SPAM1: variants seen among roughly 807,000 people sequenced by gnomAD.
SPAM1 encodes sperm adhesion molecule 1, also known as hyaluronidase PH-20.
In SPAM1, 22 loss-of-function variants were observed where a neutral mutation model predicts 29.6. The ratio of observed to expected loss-of-function variants is 0.74; its 90% CI spans 0.53 to 1.06. The LOEUF (loss-of-function observed/expected upper bound fraction) is 1.06, where lower values mean the gene tolerates loss of function less well. Ranked by LOEUF, SPAM1 falls within the 50% of genes least tolerant of loss-of-function variation. SPAM1 has a pLI of 0.00. For missense variants in SPAM1, 534 were observed against 604.0 expected (o/e 0.88, Z 1.21); for synonymous variants, 194 against 204.6 (o/e 0.95, Z 0.44).
intron 4 of SPAM1, among the ~76,000 whole-genome samples, chr7:123,958,922 T>C (rs1439472693): frequency 1.3e-5 from 2 of 152,062 alleles, no homozygotes; most frequent in Non-Finnish European, 1.5e-5. Flanking sequence ...GGTAGGCCCC[T>C]GTGTTAAGCA....
At chr7:123,933,400 TAGACAAAA>T (rs1050247481) in intron 1 of SPAM1, among the ~76,000 whole-genome samples, 39 of 152,144 alleles carry the variant, frequency 2.6e-4, no homozygotes, top group African/African-American at 8.9e-4. Context: ...GAAGCCTTCA[TAGACAAAA>T]ATGAAAACCC....
chr7:123,970,628 T>C (rs2117083653), intron 6 of SPAM1, among the ~76,000 whole-genome samples: 1 of 150,198 alleles, frequency 6.7e-6, no homozygotes, highest in East Asian at 2.0e-4. Flanking sequence ...ATTATTATAG[T>C]AAGGCACTAG....
At chr7:123,932,670 A>G (rs1479828351) in intron 1 of SPAM1, among the ~76,000 whole-genome samples, 2 of 152,242 alleles carry the variant, frequency 1.3e-5, no homozygotes, top group African/African-American at 4.8e-5. Context: ...TATGCAAAAA[A>G]TAATGAGTAT....
At chr7:123,937,445 C>T (rs559120472) in intron 1 of SPAM1, among the ~76,000 whole-genome samples, 2 of 151,808 alleles carry the variant, frequency 1.3e-5, no homozygotes, top group East Asian at 1.9e-4. Flanking sequence ...ACTAAAAATA[C>T]AAAAAATTAG....
At chr7:123,954,720 G>A (rs1792209044) in intron 3 of SPAM1, among the ~76,000 whole-genome samples, 196 bp downstream of exon 3, 1 of 151,744 alleles carries the variant, frequency 6.6e-6, no homozygotes, top group South Asian at 2.1e-4. Context: ...TTATCTCTTA[G>A]TAAGCCGGGA....
chr7:123,961,726 T>A (rs1792361717), downstream of SPAM1, among the ~76,000 whole-genome samples: 1 of 152,026 alleles, frequency 6.6e-6, no homozygotes, highest in Admixed American at 6.6e-5. Context: ...ATTTTCACGC[T>A]GCTGATTAAG....
intron 2 of SPAM1, among the ~76,000 whole-genome samples, chr7:123,950,751 C>T (rs1189083068): frequency 1.3e-5 from 2 of 151,964 alleles, no homozygotes; most frequent in Non-Finnish European, 2.9e-5. Context: ...TTTTATATAA[C>T]GATTTCTTTT....
At chr7:123,930,094 T>C (rs1808025754) in intron 1 of SPAM1, among the ~76,000 whole-genome samples, 1 of 152,014 alleles carries the variant, frequency 6.6e-6, no homozygotes, top group Admixed American at 6.6e-5. Flanking sequence ...GATTTTTAAC[T>C]TTTGTTATAA....
Position 123,955,062 on chromosome 7 carries a change from A to T in SPAM1, c.1020A>T (p.Gly340=), listed in dbSNP as rs1004005040. ...ALGASGIVIW[G]TLSIMRSMKS... ...GTGCTTCTGGAATTGTAATATGGGG[A>T]ACCCTCAGTATAATGCGAAGTATGG... Residue 340 remains glycine (G), a synonymous_variant, in exon 4 of 5, where the codon GGA becomes GGT. Coordinates refer to ENST00000682466, the MANE Select transcript of SPAM1 (RefSeq NM_153189.3). 1 of 1,610,186 alleles carries T rather than the reference A, an allele frequency of 6.2e-7. No individual in the cohort carries two copies. Among genetic ancestry groups the T allele is most frequent in the Non-Finnish European group, 8.5e-7 (1 of 1,177,124 alleles).
intron 4 of SPAM1, among the ~76,000 whole-genome samples, chr7:123,955,620 T>A (rs1305012313): frequency 6.6e-6 from 1 of 152,010 alleles, no homozygotes; most frequent in African/African-American, 2.4e-5. Context: ...CAGCGAATAG[T>A]CTATACTCTA....
chr7:123,965,647 G>A (rs754892428), intron 5 of SPAM1, among the ~76,000 whole-genome samples: 21 of 151,888 alleles, frequency 1.4e-4, no homozygotes, highest in African/African-American at 2.7e-4. Flanking sequence ...TCTCTATTCC[G>A]TTCCATTGAT....
intron 1 of SPAM1, among the ~76,000 whole-genome samples, chr7:123,940,847 A>G (rs1232253538): frequency 6.6e-6 from 1 of 152,168 alleles, no homozygotes; most frequent in Non-Finnish European, 1.5e-5. Flanking sequence ...CTTATAACAC[A>G]TCAATGTAAA....
chr7:123,932,477 A>G (rs1039029499), intron 1 of SPAM1: 2 of 152,526 alleles, frequency 1.3e-5, no homozygotes, highest in Non-Finnish European at 2.9e-5. Context: ...AACGTGAACC[A>G]TTACAAATCT....
At chr7:123,955,833 A>G (rs968102334) in intron 4 of SPAM1, among the ~76,000 whole-genome samples, 1 of 152,032 alleles carries the variant, frequency 6.6e-6, no homozygotes, top group African/African-American at 2.4e-5. Flanking sequence ...AACAAAAAAT[A>G]TAAGTTCAGA....
At chr7:123,945,692 C>T (rs1808556233) in intron 1 of SPAM1, among the ~76,000 whole-genome samples, 1 of 152,022 alleles carries the variant, frequency 6.6e-6, no homozygotes, top group South Asian at 2.1e-4. Flanking sequence ...TTTAGATTTT[C>T]CCTGGTATTG....
chr7:123,952,841 C>G (rs530769982), intron 2 of SPAM1, among the ~76,000 whole-genome samples: 3 of 146,252 alleles, frequency 2.1e-5, no homozygotes, highest in Non-Finnish European at 4.5e-5. Flanking sequence ...TCAATAAATT[C>G]AACCAAACTG....
chr7:123,967,619 T>C (rs537448988), intron 5 of SPAM1, among the ~76,000 whole-genome samples: 1 of 151,964 alleles, frequency 6.6e-6, no homozygotes, highest in East Asian at 1.9e-4. Context: ...CATGTGTGGG[T>C]GTATGCATGT....
chr7:123,938,807 C>T (rs1487410352), intron 1 of SPAM1, among the ~76,000 whole-genome samples: 2 of 152,242 alleles, frequency 1.3e-5, no homozygotes, highest in South Asian at 2.1e-4. Flanking sequence ...AACTTCATTA[C>T]GTAATGCACC....
At chr7:123,931,436 C>G (rs1808075361) in intron 1 of SPAM1, among the ~76,000 whole-genome samples, 1 of 152,162 alleles carries the variant, frequency 6.6e-6, no homozygotes, top group Non-Finnish European at 1.5e-5. Context: ...TGTCCCATAC[C>G]TAGAAGGAAG....
Sources: allele counts gnomAD v4.1 joint callset (sites outside exome capture counted in the v4.1 genomes callset), GRCh38; gene constraint gnomAD v4.1.1; transcripts MANE v1.5; gene names NCBI Gene and HGNC (gene_info 2026-07-23, HGNC 2026-07-21).